Variants in CLBA1 observed in about 807,000 individuals in gnomAD.
CLBA1 encodes the protein clathrin binding box of aftiphilin containing 1.
In CLBA1, 30 loss-of-function variants were observed where a neutral mutation model predicts 28.8. That is an observed-to-expected ratio of 1.04 (90% CI 0.78 to 1.41). CLBA1 has a LOEUF of 1.41. CLBA1 is among the 40% of genes most tolerant of loss of function. The pLI, the probability that CLBA1 is intolerant of heterozygous loss-of-function variation, is 0.00. For missense variants in CLBA1, 451 were observed against 412.3 expected (o/e 1.09, Z -0.81); for synonymous variants, 160 against 152.8 (o/e 1.05, Z -0.35).
chr14:104,999,517 G>C (rs1900227797), downstream of CLBA1: 1 of 152,362 alleles, frequency 6.6e-6, no homozygotes, highest in South Asian at 2.1e-4. Context: ...AAGCCTTCAG[G>C]GTGGGGTGCA....
chr14:104,990,926 G>T, intron 2 of CLBA1: 1 of 154,728 alleles, frequency 6.5e-6, no homozygotes, highest in South Asian at 2.0e-4. Flanking sequence ...AGGTGGGTTG[G>T]GGTGTTGAAG....
downstream of CLBA1, among the ~76,000 whole-genome samples, chr14:104,995,818 TTTTG>T (rs1311405363): frequency 5.3e-5 from 8 of 152,342 alleles, no homozygotes; most frequent in East Asian, 5.8e-4. Context: ...GAGAATTCCT[TTTTG>T]TTTGTTTGTT....
chr14:104,998,656 T>TA (rs1900209545), downstream of CLBA1, among the ~76,000 whole-genome samples: 1 of 152,170 alleles, frequency 6.6e-6, no homozygotes, highest in Admixed American at 6.5e-5. Context: ...GGCGGTGAGG[T>TA]ACAGTGAGGA....
At position 104,986,333 on chromosome 14, in the gene CLBA1, G is replaced by T. The variant is rs1314201869; in HGVS notation, c.-99G>T. ...TGCAGCGTCCCCTGGCCCTCTCCAG[G>T]GCAGGGGAAGGTTGGGCAGTCCTGG... On this transcript the variant is annotated 5_prime_UTR_variant, in exon 1 of 5. Coordinates refer to ENST00000547315, the MANE Select transcript of CLBA1 (RefSeq NM_174891.4). 8.3e-6 allele frequency: 11 copies of T among 1,324,442 alleles called. 1 individual carries two copies. In the South Asian group the frequency reaches 1.3e-4, roughly 15 times the overall value. The allele number at this position is 1,324,442 out of a possible 1,614,324, so 82.0% of individuals were successfully genotyped here.
At chr14:104,992,843 A>G in intron 3 of CLBA1, 105 bp from the exon 4 acceptor site, 1 of 940,554 alleles carries the variant, frequency 1.1e-6, no homozygotes, top group Admixed American at 1.7e-5. Context: ...GGCCTGAGAG[A>G]ACTTTGCAGT....
chr14:104,996,515 T>A (rs965890495), downstream of CLBA1, among the ~76,000 whole-genome samples: 1 of 152,124 alleles, frequency 6.6e-6, no homozygotes, highest in Non-Finnish European at 1.5e-5. Flanking sequence ...CTCACAGATA[T>A]GCTGGGATTT....
chr14:104,991,257 C>T (rs1900010572), intron 2 of CLBA1: 4 of 384,206 alleles, frequency 1.0e-5, no homozygotes, highest in South Asian at 6.9e-5. Context: ...AACTCCTGAC[C>T]TCCTGATCTG....
At chr14:104,989,191 T>TGCTA in intron 2 of CLBA1, 103 bp downstream of exon 2, 28 of 1,194,432 alleles carry the variant, frequency 2.3e-5, no homozygotes, top group Non-Finnish European at 2.8e-5. Flanking sequence ...GAGAGTAGCA[T>TGCTA]CTCTCCTGAG....
At chr14:104,993,115 C>A (rs752619296) in intron 4 of CLBA1, 51 bp downstream of exon 4, 5 of 1,579,534 alleles carry the variant, frequency 3.2e-6, no homozygotes, top group East Asian at 2.2e-5. Flanking sequence ...GCGGTGTCCA[C>A]ACATGTGGAG....
At chr14:104,993,827 G>C in intron 4 of CLBA1, 2 of 985,468 alleles carry the variant, frequency 2.0e-6, no homozygotes, top group Non-Finnish European at 2.4e-6. Flanking sequence ...ATGGGCGGCT[G>C]TGAGCATGAA....
rs1300444969 is a variant in CLBA1 at position 104,986,355 on chromosome 14, C to T, written c.-77C>T. The T allele has an allele frequency of 6.7e-7, 1 of 1,487,538 alleles. No individual in the cohort carries two copies. The allele number at this position is 1,487,538 out of a possible 1,614,324, so 92.1% of individuals were successfully genotyped here. On this transcript the variant is annotated 5_prime_UTR_variant, in exon 1 of 5. Transcript: ENST00000547315. ...CAGGGCAGGGGAAGGTTGGGCAGTCCTGGGCGGCCAGCACCCCGGCGTGCA... is the reference window on the plus strand; with the variant it reads ...CAGGGCAGGGGAAGGTTGGGCAGTCTTGGGCGGCCAGCACCCCGGCGTGCA...
chr14:104,994,811 T>G lies in CLBA1; in HGVS notation c.*52T>G. 6.4e-7 allele frequency: 1 copy of G among 1,552,148 alleles called. No homozygotes were observed. The highest frequency in any genetic ancestry group is 8.7e-7 in the Non-Finnish European group (1 of 1,151,152). On this transcript the variant is annotated 3_prime_UTR_variant, in exon 5 of 5. Transcript: ENST00000547315. ...AGGAATTTTTCATTTTCTTCCTGGCTGGGTTGATGTGGAAACCAGAGCTGT... is the reference window on the plus strand; with the variant it reads ...AGGAATTTTTCATTTTCTTCCTGGCGGGGTTGATGTGGAAACCAGAGCTGT...
rs146376285 is a variant in CLBA1 at position 104,988,166 on chromosome 14, C to T, written c.424-777C>T. On this transcript the variant is annotated intron_variant, in intron 1 of 4. Transcript: ENST00000547315. ...GGAATACATGAGACTCGCACACGTA[C>T]ACCCTCACACAGCGCTTAGTGCCCC... 3.5e-4 allele frequency among the ~76,000 whole-genome samples: 54 copies of T among 152,182 alleles called. 1 individual carries two copies. Among genetic ancestry groups the T allele is most frequent in the Admixed American group, 2.6e-3 (40 of 15,284 alleles).
intron 2 of CLBA1, among the ~76,000 whole-genome samples, chr14:105,001,067 TAA>T (rs71454491): frequency 0.022 from 2,770 of 126,178 alleles, 37 homozygotes; most frequent in East Asian, 0.036. Context: ...TATTCAGCTG[TAA>T]AAAAAAAAAA....
chr14:104,998,147 C>CTG (rs1900188099), downstream of CLBA1, among the ~76,000 whole-genome samples: 1 of 152,174 alleles, frequency 6.6e-6, no homozygotes, highest in East Asian at 1.9e-4. Flanking sequence ...TGGTTCATAC[C>CTG]TGTAATCCCA....
intron 4 of CLBA1, chr14:104,993,767 G>A: frequency 1.0e-6 from 1 of 985,448 alleles, no homozygotes; most frequent in Non-Finnish European, 1.2e-6. Context: ...CCAGGACCTT[G>A]GAACAGTCGG....
At chr14:104,994,245 T>A in intron 4 of CLBA1, 1 of 985,436 alleles carries the variant, frequency 1.0e-6, no homozygotes, top group Non-Finnish European at 1.2e-6. Flanking sequence ...GTCTGTGGTG[T>A]AGTCCAAGAG....
chr14:105,000,854 TA>T (rs1195627382), intron 2 of CLBA1, among the ~76,000 whole-genome samples: 3 of 151,936 alleles, frequency 2.0e-5, no homozygotes, highest in African/African-American at 7.3e-5. Context: ...CTGAAAAAGT[TA>T]AAAATAGAAC....
chr14:104,985,910 C>T lies in CLBA1; in HGVS notation c.-522C>T. On this transcript the variant is annotated 5_prime_UTR_variant, in exon 1 of 5. Coordinates refer to ENST00000547315, the MANE Select transcript of CLBA1 (RefSeq NM_174891.4). The stretch of plus-strand genomic sequence containing the variant: ...GCGGGGACTCTCGGGAGCCGTGGGC[C>T]AGGCGCTTAGCCGGCCACCTCGGGC... 1 of 206,624 alleles carries T rather than the reference C, an allele frequency of 4.8e-6. No homozygotes were observed. The highest frequency in any genetic ancestry group is 4.6e-5 in the South Asian group (1 of 21,634). The allele number at this position is 206,624 out of a possible 1,614,324, so 12.8% of individuals were successfully genotyped here. A position where few individuals can be genotyped will look rare whatever the true frequency, so the allele number is the denominator to read the frequency against.
Sources: gnomAD v4.1 joint callset for allele counts (sites outside exome capture counted in the v4.1 genomes callset) on GRCh38, gnomAD v4.1.1 for gene constraint, MANE v1.5 for transcripts, NCBI Gene and HGNC (gene_info 2026-07-23, HGNC 2026-07-21) for gene names.